The following SLC4A7 variants were observed in gnomAD, a reference collection of about 807,000 sequenced individuals.
SLC4A7 encodes the protein sodium bicarbonate cotransporter 3.
In SLC4A7, 51 loss-of-function variants were observed where a neutral mutation model predicts 137.6. That is an observed-to-expected ratio of 0.37 (90% CI 0.30 to 0.47). The LOEUF is 0.47. Among genes scored for constraint, SLC4A7 ranks in the 20% least tolerant of loss-of-function variants. The pLI is 1.00. For missense variants in SLC4A7, 1,247 were observed against 1,525.4 expected (o/e 0.82, Z 3.04); for synonymous variants, 542 against 518.6 (o/e 1.05, Z -0.61).
chr3:27,379,624 C>T (rs1414684242), intron 24 of SLC4A7, among the ~76,000 whole-genome samples: 2 of 152,110 alleles, frequency 1.3e-5, no homozygotes, highest in Non-Finnish European at 2.9e-5. Context: ...ACTTCGGCAG[C>T]ACTCTAGCAA....
chr3:27,393,241 A>T (rs57741057), intron 20 of SLC4A7, among the ~76,000 whole-genome samples: 19,813 of 152,048 alleles, frequency 0.13, 1,263 homozygotes, highest in Middle Eastern at 0.18. Flanking sequence ...GTTAAAAAAA[A>T]TTTTTTTGGT....
Position 27,484,066 on chromosome 3 carries a change from C to T in SLC4A7, c.60+1G>A, listed in dbSNP as rs2059839616. On this transcript the variant is annotated splice_donor_variant, in intron 1 of 25. Transcript: ENST00000454389. LOFTEE classifies it high-confidence loss of function. ...GAGCCCCACCGCCGCGGCGCCCTCA[C>T]CCTGCTCGTTACCCGGGTGAGTAGC... is the stretch of plus-strand genomic sequence containing the variant. The T allele has an allele frequency of 7.1e-7, 1 of 1,408,794 alleles. No individual in the cohort carries two copies. Among genetic ancestry groups the T allele is most frequent in the Non-Finnish European group, 9.3e-7 (1 of 1,077,280 alleles). The allele number at this position is 1,408,794 out of a possible 1,614,324, so 87.3% of individuals were successfully genotyped here. A position where few individuals can be genotyped will look rare whatever the true frequency, so the allele number is the denominator to read the frequency against.
At chr3:27,474,175 C>T (rs191972707) in intron 1 of SLC4A7, among the ~76,000 whole-genome samples, 14 of 152,164 alleles carry the variant, frequency 9.2e-5, no homozygotes, top group African/African-American at 3.1e-4. Flanking sequence ...CTATCTACAA[C>T]AAGAATCAGA....
At chr3:27,447,821 T>C (rs2057776986) in intron 3 of SLC4A7, among the ~76,000 whole-genome samples, 1 of 151,978 alleles carries the variant, frequency 6.6e-6, no homozygotes, top group South Asian at 2.1e-4. Context: ...TCCTTTTATA[T>C]AACTAATATT....
chr3:27,480,201 C>G (rs895094871), intron 1 of SLC4A7, among the ~76,000 whole-genome samples: 1 of 152,124 alleles, frequency 6.6e-6, no homozygotes, highest in African/African-American at 2.4e-5. Flanking sequence ...CCAGGCAAAA[C>G]AATTCATCAA....
chr3:27,388,376 T>C (rs146573033), intron 22 of SLC4A7, among the ~76,000 whole-genome samples: 10 of 152,266 alleles, frequency 6.6e-5, no homozygotes, highest in Non-Finnish European at 1.2e-4. Flanking sequence ...TTGAGAAAAA[T>C]TGCATAGGTT....
chr3:27,428,609 C>T (rs2055908100), intron 7 of SLC4A7, among the ~76,000 whole-genome samples: 1 of 152,204 alleles, frequency 6.6e-6, no homozygotes, highest in Admixed American at 6.5e-5. Flanking sequence ...CAAGGATTTC[C>T]AGTCAGAGGA....
At chr3:27,397,605 A>T in intron 18 of SLC4A7, 79 bp downstream of exon 18, 1 of 716,376 alleles carries the variant, frequency 1.4e-6, no homozygotes, top group Non-Finnish European at 2.5e-6. Flanking sequence ...TAAAACAATA[A>T]CTACTGAGAA....
At chr3:27,480,765 C>T (rs1010616879) in intron 1 of SLC4A7, among the ~76,000 whole-genome samples, 20 of 152,144 alleles carry the variant, frequency 1.3e-4, no homozygotes, top group African/African-American at 4.6e-4. Context: ...CTGGGTTGTC[C>T]GGGTCTGTCA....
intron 1 of SLC4A7, among the ~76,000 whole-genome samples, chr3:27,458,595 T>C (rs1559820689): frequency 6.6e-6 from 1 of 152,170 alleles, no homozygotes; most frequent in Non-Finnish European, 1.5e-5. Context: ...TAAACATAAA[T>C]CTAAAGAATC....
chr3:27,454,032 T>A (rs2058253820), intron 1 of SLC4A7, among the ~76,000 whole-genome samples: 1 of 152,146 alleles, frequency 6.6e-6, no homozygotes, highest in South Asian at 2.1e-4. Context: ...GAAGATGGGC[T>A]AGGTGTGGTG....
chr3:27,426,127 T>C (rs537757330), intron 7 of SLC4A7, among the ~76,000 whole-genome samples: 1 of 152,356 alleles, frequency 6.6e-6, no homozygotes, highest in South Asian at 2.1e-4. Flanking sequence ...TTACGCTTTA[T>C]GACAGAGACT....
At chr3:27,416,208 C>T (rs1344331210) in intron 11 of SLC4A7, among the ~76,000 whole-genome samples, 3 of 152,102 alleles carry the variant, frequency 2.0e-5, no homozygotes, top group Non-Finnish European at 2.9e-5. Context: ...GATGTGGAGA[C>T]GATGAGCAAC....
At chr3:27,409,593 A>C (rs1017325486) in intron 12 of SLC4A7, 63 bp from the exon 13 acceptor site, 7 of 1,330,450 alleles carry the variant, frequency 5.3e-6, no homozygotes, top group Admixed American at 2.3e-5. Context: ...CTTCAAACTA[A>C]AACTATGGGC....
rs189417890 is a variant in SLC4A7, at chr3:27,456,642, G to A, written c.61-4144C>T. On this transcript the variant is annotated intron_variant, in intron 1 of 25. Transcript: ENST00000454389. Reference sequence around the variant, plus strand: ...TAAATAAAAGACAAGATCATAATTAGGTACATACAGGTAACTTCTTCTCCA... The same window carrying A: ...TAAATAAAAGACAAGATCATAATTAAGTACATACAGGTAACTTCTTCTCCA... The A allele has an allele frequency of 1.2e-5, 19 of 1,523,926 alleles. No homozygotes were observed. In the Admixed American group the frequency reaches 2.7e-4, roughly 22 times the overall value. The allele number at this position is 1,523,926 out of a possible 1,614,324, so 94.4% of individuals were successfully genotyped here.
chr3:27,377,158 A>G (rs1451245295), intron 25 of SLC4A7, among the ~76,000 whole-genome samples: 2 of 152,110 alleles, frequency 1.3e-5, no homozygotes, highest in Non-Finnish European at 2.9e-5. Flanking sequence ...TATTTCACAT[A>G]TGAACAGTTA....
At chr3:27,377,260 T>A (rs1297565537) in intron 25 of SLC4A7, among the ~76,000 whole-genome samples, 1 of 152,164 alleles carries the variant, frequency 6.6e-6, no homozygotes, top group African/African-American at 2.4e-5. Context: ...GTTATAAATT[T>A]ATAAAACTTC....
chr3:27,454,437 G>C (rs1485148340), intron 1 of SLC4A7, among the ~76,000 whole-genome samples: 1 of 152,178 alleles, frequency 6.6e-6, no homozygotes. Context: ...CTTTACCCCA[G>C]CCTGGGAGAC....
chr3:27,384,945 G>GA (rs1233805676), intron 23 of SLC4A7, among the ~76,000 whole-genome samples: 3 of 151,106 alleles, frequency 2.0e-5, no homozygotes, highest in African/African-American at 4.9e-5. Context: ...CATCTCAGAA[G>GA]AAAAAAACAA....
Sources: gnomAD v4.1 joint callset for allele counts (sites outside exome capture counted in the v4.1 genomes callset) on GRCh38, gnomAD v4.1.1 for gene constraint, MANE v1.5 for transcripts, NCBI Gene and HGNC (gene_info 2026-07-23, HGNC 2026-07-21) for gene names.